The following MGAT4C variants were observed in gnomAD, a reference collection of about 807,000 sequenced individuals.
MGAT4C encodes alpha-1,3-mannosyl-glycoprotein 4-beta-N-acetylglucosaminyltransferase C.
Under a neutral mutation model 40.1 loss-of-function variants are expected in MGAT4C, and 19 were observed. The ratio of observed to expected loss-of-function variants is 0.47; its 90% CI spans 0.33 to 0.70. MGAT4C has a LOEUF of 0.70. Among genes scored for constraint, MGAT4C ranks in the 30% least tolerant of loss-of-function variants. The pLI is 0.02. For synonymous variants in MGAT4C, 181 were observed against 187.1 expected (o/e 0.97, Z 0.27); for missense variants, 491 against 563.2 (o/e 0.87, Z 1.30).
intron 1 of MGAT4C, among the ~76,000 whole-genome samples, chr12:86,211,132 G>T (rs186057579): frequency 2.9e-4 from 44 of 150,804 alleles, no homozygotes; most frequent in Non-Finnish European, 4.3e-4. Flanking sequence ...TGCTTCTGTG[G>T]GTCTTTCCCT....
chr12:85,991,829 C>T (rs1365028770), intron 2 of MGAT4C, among the ~76,000 whole-genome samples: 2 of 152,044 alleles, frequency 1.3e-5, no homozygotes, highest in African/African-American at 4.8e-5. Context: ...CCATTCTCCA[C>T]AAAAAGGAAA....
At position 86,823,249 on chromosome 12, in the gene MGAT4C, A is replaced by G. The variant is rs982041775; in HGVS notation, c.-262+15417T>C. Among the ~76,000 whole-genome samples the G allele has an allele frequency of 7.3e-5, 11 of 151,344 alleles. 1 individual carries two copies. The East Asian group carries it at 2.1e-3, about 30-fold the overall frequency. On this transcript the variant is annotated intron_variant, in intron 1 of 7. Coordinates refer to the MGAT4C transcript ENST00000548651. ...AAAAGAACAAACAAAGCCCAAAGTT[A>G]GCATAAGGAAGAAAATAACAAAGAT...
At chr12:86,283,108 T>C (rs547624866) in intron 4 of MGAT4C, among the ~76,000 whole-genome samples, 2 of 152,082 alleles carry the variant, frequency 1.3e-5, no homozygotes, top group South Asian at 4.1e-4. Context: ...CATTTCACCA[T>C]TGTTGAACTC....
chr12:86,370,807 G>A (rs1436204718), intron 3 of MGAT4C, among the ~76,000 whole-genome samples: 1 of 151,930 alleles, frequency 6.6e-6, no homozygotes, highest in African/African-American at 2.4e-5. Context: ...TATTGACTAT[G>A]TCCTATGACA....
chr12:86,640,474 C>T (rs1401451816), intron 2 of MGAT4C, among the ~76,000 whole-genome samples: 1 of 151,800 alleles, frequency 6.6e-6, no homozygotes, highest in African/African-American at 2.4e-5. Context: ...TTTATTGCAT[C>T]TATTTGATTC....
intron 4 of MGAT4C, among the ~76,000 whole-genome samples, chr12:86,282,272 T>C (rs1953236880): frequency 6.6e-6 from 1 of 152,134 alleles, no homozygotes; most frequent in South Asian, 2.1e-4. Context: ...ACACTCTTTT[T>C]CTCTACGGAT....
chr12:86,781,833 T>C lies in MGAT4C; in HGVS notation c.-261-54592A>G, dbSNP rs142016884. Among the ~76,000 whole-genome samples, 134 of 152,284 alleles carry C rather than the reference T, an allele frequency of 8.8e-4. 3 individuals carry two copies. The highest frequency in any genetic ancestry group is 1.9e-3 in the African/African-American group (81 of 41,558). On this transcript the variant is annotated intron_variant, in intron 1 of 7. Transcript: ENST00000548651. ...TTCCATAGTTGTGGATGCCTTAACCTAAAGTTGTGTAGGTTTGTATAGAAT... is the reference window on the plus strand; with the variant it reads ...TTCCATAGTTGTGGATGCCTTAACCCAAAGTTGTGTAGGTTTGTATAGAAT...
chr12:86,144,602 G>T (rs2135748131), intron 1 of MGAT4C, among the ~76,000 whole-genome samples: 1 of 152,202 alleles, frequency 6.6e-6, no homozygotes, highest in South Asian at 2.1e-4. Context: ...CTTTCACTCT[G>T]CAGATTCATT....
At chr12:86,416,372 G>A (rs568876358) in intron 3 of MGAT4C, among the ~76,000 whole-genome samples, 1 of 151,928 alleles carries the variant, frequency 6.6e-6, no homozygotes, top group Non-Finnish European at 1.5e-5. Flanking sequence ...TATTAAATTG[G>A]TAAAGGACTT....
chr12:86,467,012 T>G (rs1427759650), intron 2 of MGAT4C, among the ~76,000 whole-genome samples: 1 of 152,124 alleles, frequency 6.6e-6, no homozygotes, highest in African/African-American at 2.4e-5. Flanking sequence ...ATAAAGAAAA[T>G]GAGGTTTTGC....
intron 2 of MGAT4C, among the ~76,000 whole-genome samples, chr12:86,603,727 T>C (rs1346767126): frequency 7.6e-6 from 1 of 131,272 alleles, no homozygotes; most frequent in African/African-American, 2.8e-5. Flanking sequence ...CTATATACTA[T>C]ATAATTATAT....
intron 2 of MGAT4C, among the ~76,000 whole-genome samples, chr12:86,648,174 G>T (rs959334748): frequency 6.6e-6 from 1 of 151,852 alleles, no homozygotes; most frequent in Admixed American, 6.6e-5. Flanking sequence ...ATTAAAAGAT[G>T]TAAATTTAGT....
At chr12:86,591,633 G>T (rs1051364936) in intron 2 of MGAT4C, among the ~76,000 whole-genome samples, 1 of 151,650 alleles carries the variant, frequency 6.6e-6, no homozygotes, top group African/African-American at 2.4e-5. Flanking sequence ...TTATGAAGAT[G>T]ATATATTTAA....
intron 1 of MGAT4C, among the ~76,000 whole-genome samples, chr12:86,065,098 C>G (rs1038525007): frequency 2.4e-4 from 37 of 152,158 alleles, no homozygotes; most frequent in Non-Finnish European, 7.3e-5. Context: ...AAGCCCACGA[C>G]CAGACAGATT....
chr12:86,160,241 G>GT (rs140974907), intron 1 of MGAT4C, among the ~76,000 whole-genome samples: 8,197 of 151,728 alleles, frequency 0.054, 285 homozygotes, highest in Middle Eastern at 0.12. Flanking sequence ...TTTTTCCCCT[G>GT]TTTTCATATA....
intron 2 of MGAT4C, chr12:86,022,564 A>G (rs887489902): frequency 5.3e-5 from 8 of 152,142 alleles, no homozygotes; most frequent in Admixed American, 3.9e-4. Flanking sequence ...ATGATAAAAA[A>G]TAATTGCTAG....
chr12:86,413,872 A>T (rs11103952), intron 3 of MGAT4C, among the ~76,000 whole-genome samples: 1 of 152,220 alleles, frequency 6.6e-6, no homozygotes, highest in East Asian at 1.9e-4. Context: ...GTGTAATGAT[A>T]AGGGGTTGGA....
chr12:85,986,409 T>G (rs1050133728), intron 3 of MGAT4C, among the ~76,000 whole-genome samples: 10 of 152,232 alleles, frequency 6.6e-5, no homozygotes, highest in Non-Finnish European at 1.5e-4. Context: ...GGGCATGCAG[T>G]GTCTCTTCTA....
At chr12:86,128,642 G>T (rs191318585) in intron 1 of MGAT4C, among the ~76,000 whole-genome samples, 184 of 152,208 alleles carry the variant, frequency 1.2e-3, no homozygotes, top group Non-Finnish European at 2.0e-3. Context: ...TGTGTTCAAA[G>T]AATAAGTGAT....
Sources: allele counts gnomAD v4.1 joint callset (sites outside exome capture counted in the v4.1 genomes callset), GRCh38; gene constraint gnomAD v4.1.1; transcripts MANE v1.5; gene names NCBI Gene and HGNC (gene_info 2026-07-23, HGNC 2026-07-21).